Variants in PTP4A3 observed in about 807,000 individuals in gnomAD.
PTP4A3 encodes the protein protein tyrosine phosphatase type IVA 3.
PTP4A3 carries 9 observed loss-of-function variants against 15.2 expected under a neutral mutation model. That is an observed-to-expected ratio of 0.59 (90% CI 0.36 to 1.03). The LOEUF is 1.03. PTP4A3 is among the 50% of genes least tolerant of loss of function. The pLI is 0.02. For synonymous variants in PTP4A3, 95 were observed against 102.0 expected (o/e 0.93, Z 0.41); for missense variants, 234 against 252.1 (o/e 0.93, Z 0.49).
chr8:141,417,384 A>G (rs1833095358), intron 1 of PTP4A3, among the ~76,000 whole-genome samples: 1 of 152,056 alleles, frequency 6.6e-6, no homozygotes, highest in Admixed American at 6.5e-5. Flanking sequence ...TTCATGGAGG[A>G]GTGCCCGGGC....
At position 141,425,223 on chromosome 8, in the gene PTP4A3, T is replaced by A. The variant is rs767064940; in HGVS notation, c.198+83T>A. On this transcript the variant is annotated intron_variant, in intron 3 of 5. Transcript: ENST00000521578. This position sits in a 1 kb window ranked among gnomAD's most constrained non-coding sequence, Gnocchi z 4.2. ...GGGGGCTCCGGGCCTGCGCAGAGGG[T>A]TTGGTGCCCCTCCTGTGGCAGCCCT... The A allele has an allele frequency of 7.3e-7, 1 of 1,365,382 alleles. No individual in the cohort carries two copies. The highest frequency in any genetic ancestry group is 1.0e-6 in the Non-Finnish European group (1 of 988,226). 84.6% of individuals were successfully genotyped at this position (1,365,382 alleles called of 1,614,324 possible).
At chr8:141,397,799 G>A (rs1832490482) in intron 1 of PTP4A3, among the ~76,000 whole-genome samples, 1 of 152,240 alleles carries the variant, frequency 6.6e-6, no homozygotes, top group African/African-American at 2.4e-5. Flanking sequence ...TGAACAAAAT[G>A]TTTTGCAGAA....
chr8:141,428,933 A>G (rs1156429324), intron 5 of PTP4A3, among the ~76,000 whole-genome samples: 3 of 152,180 alleles, frequency 2.0e-5, no homozygotes, highest in African/African-American at 7.2e-5. Context: ...ACTCTCACAC[A>G]TGCGGGTGCA....
intron 1 of PTP4A3, among the ~76,000 whole-genome samples, chr8:141,393,456 A>T (rs1176771985): frequency 6.6e-6 from 1 of 152,106 alleles, no homozygotes; most frequent in Non-Finnish European, 1.5e-5. Context: ...GGAGCTGGTC[A>T]CCCCTCAACA....
chr8:141,420,647 C>G (rs1056716712), intron 1 of PTP4A3, among the ~76,000 whole-genome samples: 2 of 152,236 alleles, frequency 1.3e-5, no homozygotes, highest in Non-Finnish European at 2.9e-5. Flanking sequence ...GTGTTCTGTC[C>G]CCGCCTCCCT....
chr8:141,401,348 G>A (rs907809867), intron 1 of PTP4A3, among the ~76,000 whole-genome samples: 3 of 152,160 alleles, frequency 2.0e-5, no homozygotes, highest in African/African-American at 7.2e-5. Flanking sequence ...CCAGAGAGAC[G>A]GGAGTCTCTG....
At chr8:141,397,127 G>A (rs998123957) in intron 1 of PTP4A3, among the ~76,000 whole-genome samples, 3 of 152,238 alleles carry the variant, frequency 2.0e-5, no homozygotes, top group African/African-American at 7.2e-5. Context: ...CAGGGCCAGA[G>A]CGGCTCCTGG....
At position 141,426,936 on chromosome 8, in the gene PTP4A3, T is replaced by C. The variant is rs759605703; in HGVS notation, c.199-3T>C. ...GGGTCCTCATGTCTGCTTCCCTCCG[T>C]AGGACTGGCCGTTTGACGATGGGGC... is the stretch of plus-strand genomic sequence containing the variant. On this transcript the variant is annotated splice_region_variant and splice_polypyrimidine_tract_variant and intron_variant, in intron 3 of 5. Transcript: ENST00000521578. 3.7e-6 allele frequency: 6 copies of C among 1,611,040 alleles called. No individual in the cohort carries two copies. The highest frequency in any genetic ancestry group is 1.3e-5 in the African/African-American group (1 of 74,906).
intron 1 of PTP4A3, among the ~76,000 whole-genome samples, chr8:141,396,260 G>GT (rs1312113547): frequency 6.6e-6 from 1 of 152,220 alleles, no homozygotes; most frequent in Non-Finnish European, 1.5e-5. Flanking sequence ...CCTCTGGCGG[G>GT]TAAGTGTTCA....
chr8:141,428,361 C>T (rs559338145), intron 5 of PTP4A3, among the ~76,000 whole-genome samples: 6 of 152,086 alleles, frequency 3.9e-5, no homozygotes, highest in Non-Finnish European at 8.8e-5. Flanking sequence ...TGGTGGCCTC[C>T]CTGGGGAGGG....
rs140494616 is a variant in PTP4A3 at position 141,411,099 on chromosome 8, C to A, written c.-853-10289C>A. Reference sequence around the variant, plus strand: ...GGGTGGACCTGTGTGTGCCTAGCAGCCTCCCTGCCACAAACCACCCTCCTC... The same window carrying A: ...GGGTGGACCTGTGTGTGCCTAGCAGACTCCCTGCCACAAACCACCCTCCTC... On this transcript the variant is annotated intron_variant, in intron 1 of 5. Transcript: ENST00000521578. 7.1e-3 allele frequency among the ~76,000 whole-genome samples: 1,076 copies of A among 152,282 alleles called. 19 individuals carry two copies. Among genetic ancestry groups the A allele is most frequent in the African/African-American group, 0.025 (1,026 of 41,550 alleles).
intron 1 of PTP4A3, among the ~76,000 whole-genome samples, chr8:141,395,385 A>G (rs985316417): frequency 1.3e-5 from 2 of 152,188 alleles, no homozygotes; most frequent in African/African-American, 4.8e-5. Context: ...GCTTCCCGCC[A>G]GGCACGTGCC....
chr8:141,406,513 C>A lies in PTP4A3; in HGVS notation c.-854+14429C>A, dbSNP rs1832728139. 6.6e-6 allele frequency among the ~76,000 whole-genome samples: 1 copy of A among 152,150 alleles called. No individual in the cohort carries two copies. Among genetic ancestry groups the A allele is most frequent in the Non-Finnish European group, 1.5e-5 (1 of 68,016 alleles). ...TGCCCTCCTGCCTCTGGCCCTTGCTCAAGCCGCGCCCCCATCTGGATGCCC... is the reference window on the plus strand; with the variant it reads ...TGCCCTCCTGCCTCTGGCCCTTGCTAAAGCCGCGCCCCCATCTGGATGCCC... On this transcript the variant is annotated intron_variant, in intron 1 of 5. Coordinates refer to ENST00000521578, the MANE Select transcript of PTP4A3 (RefSeq NM_032611.3). This position sits in a 1 kb window ranked among gnomAD's most constrained non-coding sequence, Gnocchi z 4.5.
intron 1 of PTP4A3, among the ~76,000 whole-genome samples, chr8:141,395,719 C>T (rs10529391): frequency 1.1e-3 from 137 of 124,368 alleles, no homozygotes; most frequent in South Asian, 5.5e-3. Context: ...TTCATCTACC[C>T]GGGGTAGGTG....
chr8:141,397,653 G>A (rs761837625), intron 1 of PTP4A3, among the ~76,000 whole-genome samples: 12 of 152,256 alleles, frequency 7.9e-5, no homozygotes, highest in Non-Finnish European at 1.6e-4. Flanking sequence ...CTGCCTTGGG[G>A]CCTGAGTGCC....
intron 1 of PTP4A3, among the ~76,000 whole-genome samples, chr8:141,419,338 T>C (rs1563734202): frequency 6.6e-6 from 1 of 152,194 alleles, no homozygotes; most frequent in Non-Finnish European, 1.5e-5. Flanking sequence ...CTGGTGCTTT[T>C]CTTCCTTTCT....
chr8:141,426,765 G>A, intron 3 of PTP4A3, 174 bp from the exon 4 acceptor site: 1 of 926,616 alleles, frequency 1.1e-6, no homozygotes, highest in Non-Finnish European at 1.3e-6. Flanking sequence ...ACTCACCATG[G>A]GGTGCCCATA....
intron 1 of PTP4A3, among the ~76,000 whole-genome samples, chr8:141,402,433 G>T (rs1380776253): frequency 6.6e-6 from 1 of 152,204 alleles, no homozygotes; most frequent in African/African-American, 2.4e-5. Context: ...GGCAGCCCCA[G>T]TGCCCACTGA....
chr8:141,392,372 C>T (rs1832306741), intron 1 of PTP4A3: 1 of 152,142 alleles, frequency 6.6e-6, no homozygotes, highest in African/African-American at 2.4e-5. Flanking sequence ...AGGGGGTGAC[C>T]CGCTCCCGTT....
Sources: allele counts gnomAD v4.1 joint callset (sites outside exome capture counted in the v4.1 genomes callset), GRCh38; gene constraint gnomAD v4.1.1; non-coding constraint Gnocchi (gnomAD v3.1); transcripts MANE v1.5; gene names NCBI Gene and HGNC (gene_info 2026-07-23, HGNC 2026-07-21).